The following DERL1 variants were observed in gnomAD, a reference collection of about 807,000 sequenced individuals.
DERL1 encodes derlin-1.
Under a neutral mutation model 41.6 loss-of-function variants are expected in DERL1, and 24 were observed. That is an observed-to-expected ratio of 0.58 (90% CI 0.42 to 0.81). DERL1 has a LOEUF of 0.81. Among genes scored for constraint, DERL1 ranks in the 30% least tolerant of loss-of-function variants. The pLI is 0.00. For synonymous variants in DERL1, 124 were observed against 112.5 expected (o/e 1.10, Z -0.65); for missense variants, 260 against 314.3 (o/e 0.83, Z 1.31).
At chr8:123,033,002 C>T (rs754299569) in intron 1 of DERL1, among the ~76,000 whole-genome samples, 7 of 151,282 alleles carry the variant, frequency 4.6e-5, no homozygotes, top group African/African-American at 1.5e-4. Flanking sequence ...GCTAGGACTA[C>T]AGGCATGTAC....
intron 1 of DERL1, among the ~76,000 whole-genome samples, chr8:123,039,112 G>A (rs552330955): frequency 5.3e-5 from 8 of 152,122 alleles, no homozygotes; most frequent in African/African-American, 9.6e-5. Context: ...CTGTAATCTC[G>A]TCCCCTCTGC....
At chr8:123,026,336 C>A (rs993823531) in intron 2 of DERL1, among the ~76,000 whole-genome samples, 1 of 152,092 alleles carries the variant, frequency 6.6e-6, no homozygotes, top group Non-Finnish European at 1.5e-5. Context: ...CTGTCTGATT[C>A]CTAAGGAGTC....
At chr8:123,030,488 C>T (rs1812798326) in intron 2 of DERL1, 117 bp downstream of exon 2, 1 of 689,086 alleles carries the variant, frequency 1.5e-6, no homozygotes, top group Non-Finnish European at 2.4e-6. Flanking sequence ...TAAGCATTTA[C>T]TATCTTTATG....
At chr8:123,016,239 G>A (rs11781842) in intron 7 of DERL1, 44,918 of 152,100 alleles carry the variant, frequency 0.3, 8,374 homozygotes, top group Non-Finnish European at 0.41. Context: ...TCACAGAACA[G>A]CTAAGAGAAC....
chr8:123,029,984 C>T (rs922579787), intron 2 of DERL1, among the ~76,000 whole-genome samples: 1 of 151,956 alleles, frequency 6.6e-6, no homozygotes, highest in Non-Finnish European at 1.5e-5. Context: ...TGCTTGAACC[C>T]GAGAGGCAGA....
At chr8:123,041,414 G>A (rs1439319567) in intron 1 of DERL1, among the ~76,000 whole-genome samples, 1 of 152,130 alleles carries the variant, frequency 6.6e-6, no homozygotes, top group Non-Finnish European at 1.5e-5. Context: ...CCATTCCTTC[G>A]TACATTCTAT....
chr8:123,041,431 G>C lies in DERL1; in HGVS notation c.153+539C>G, dbSNP rs144740997. 4.6e-3 allele frequency among the ~76,000 whole-genome samples: 707 copies of C among 152,246 alleles called. 4 individuals carry two copies. Among genetic ancestry groups the C allele is most frequent in the African/African-American group, 0.016 (677 of 41,528 alleles). On this transcript the variant is annotated intron_variant, in intron 1 of 7. Transcript: ENST00000259512. ...ATTCCTTCGTACATTCTATTACTACGTGGGGGACACTAAATTAGGTCTAGA... is the reference window on the plus strand; with the variant it reads ...ATTCCTTCGTACATTCTATTACTACCTGGGGGACACTAAATTAGGTCTAGA...
intron 1 of DERL1, among the ~76,000 whole-genome samples, chr8:123,040,784 T>C (rs545386084): frequency 6.6e-6 from 1 of 152,124 alleles, no homozygotes; most frequent in South Asian, 2.1e-4. Context: ...ACAAGAAAAA[T>C]AAAAGATGAC....
chr8:123,022,621 T>C (rs1812589758), intron 5 of DERL1, 63 bp downstream of exon 5: 2 of 1,504,920 alleles, frequency 1.3e-6, no homozygotes, highest in Non-Finnish European at 1.8e-6. Context: ...AGTACATCTC[T>C]GGACTGAAGA....
chr8:123,035,195 T>C (rs999432670), intron 1 of DERL1, among the ~76,000 whole-genome samples: 5 of 152,214 alleles, frequency 3.3e-5, no homozygotes, highest in African/African-American at 1.2e-4. Flanking sequence ...GAAATCAGTG[T>C]CTGTCAAAAT....
rs534163083 is a variant in DERL1 at position 123,029,060 on chromosome 8, CCT to C, written c.265+1543_265+1544del. Reference sequence around the variant, plus strand: ...TCCAGTCTGGGTGACAGAGCAAGACCCTGTCTCAAAAAAAAAAAAAATTACTC... The same window carrying C: ...TCCAGTCTGGGTGACAGAGCAAGACCGTCTCAAAAAAAAAAAAAATTACTC... On this transcript the variant is annotated intron_variant, in intron 2 of 7. Transcript: ENST00000259512. Among the ~76,000 whole-genome samples, 5 of 151,484 alleles carry C rather than the reference CCT, an allele frequency of 3.3e-5. No individual in the cohort carries two copies. In the South Asian group the frequency reaches 1.0e-3, roughly 32 times the overall value.
Position 123,019,097 on chromosome 8 carries a change from G to A in DERL1, c.617+98C>T, listed in dbSNP as rs1054922924. The A allele has an allele frequency of 1.1e-5, 9 of 818,732 alleles. No individual in the cohort carries two copies. The East Asian group carries it at 1.6e-4, about 14-fold the overall frequency. 50.7% of individuals were successfully genotyped at this position (818,732 alleles called of 1,614,324 possible). ...TGCCTCAGGTTTCTCCAGCAGATGG[G>A]GCATAGGGGTAAATCATACTCCTCA... On this transcript the variant is annotated intron_variant, in intron 7 of 7. Transcript: ENST00000259512.
rs1219166488 is a variant in DERL1, at chr8:123,042,047, G to A, written c.76C>T (p.Pro26Ser). The change falls in exon 1 of 8, where the codon CCC becomes TCC. Residue 26 changes from proline to serine, a missense_variant. Pro to Ser is a moderately conservative substitution (Grantham distance 74). Coordinates refer to ENST00000259512, the MANE Select transcript of DERL1 (RefSeq NM_024295.6). ...ATGAGGCCGAGTTTGCCGACCAAGG[G>A]CACGGCGACGGTGGCGGCGAACCAA... ...RYWFAATVAV[P>S]LVGKLGLISP... is the part of the protein sequence containing the mutation. 4 of 1,613,792 alleles carry A rather than the reference G, an allele frequency of 2.5e-6. No individual in the cohort carries two copies. Among genetic ancestry groups the A allele is most frequent in the Middle Eastern group, 3.3e-4 (2 of 6,084 alleles).
chr8:123,024,529 T>A (rs1764899478), intron 3 of DERL1, among the ~76,000 whole-genome samples: 1 of 152,188 alleles, frequency 6.6e-6, no homozygotes, highest in South Asian at 2.1e-4. Context: ...CTGTGTCCCT[T>A]CCCAGAGCTG....
intron 2 of DERL1, among the ~76,000 whole-genome samples, chr8:123,025,263 TCTC>T (rs2130472094): frequency 6.6e-6 from 1 of 152,314 alleles, no homozygotes; most frequent in Admixed American, 6.5e-5. Flanking sequence ...TAATCTATGC[TCTC>T]CTAACTGAAT....
intron 1 of DERL1, among the ~76,000 whole-genome samples, chr8:123,040,769 G>C (rs182401435): frequency 6.6e-6 from 1 of 152,218 alleles, no homozygotes; most frequent in East Asian, 1.9e-4. Flanking sequence ...TGGGGTGTGA[G>C]AAAAACAAGA....
At chr8:123,039,283 CA>C (rs1812995372) in intron 1 of DERL1, among the ~76,000 whole-genome samples, 1 of 152,182 alleles carries the variant, frequency 6.6e-6, no homozygotes, top group Non-Finnish European at 1.5e-5. Flanking sequence ...ATAGTCGGGG[CA>C]ATCTGTCAGT....
rs1199094863 is a variant in DERL1 at position 123,014,112 on chromosome 8, T to G, written c.*1335A>C. ...CTGCTCCTAACAGTCTGCTTTCAGA[T>G]AACGTCATAAAATAAAATAACTGTG... is the stretch of plus-strand genomic sequence containing the variant. On this transcript the variant is annotated 3_prime_UTR_variant, in exon 8 of 8. Transcript: ENST00000259512. 1 of 152,310 alleles carries G rather than the reference T, an allele frequency of 6.6e-6. No individual in the cohort carries two copies. The highest frequency in any genetic ancestry group is 1.5e-5 in the Non-Finnish European group (1 of 68,036). 9.4% of individuals were successfully genotyped at this position (152,310 alleles called of 1,614,324 possible). A position where few individuals can be genotyped will look rare whatever the true frequency, so the allele number is the denominator to read the frequency against.
rs145734762 is a variant in DERL1 at position 123,037,173 on chromosome 8, T to C, written c.153+4797A>G. Among the ~76,000 whole-genome samples the C allele has an allele frequency of 5.1e-3, 777 of 152,264 alleles. 11 individuals are homozygous for C. Among genetic ancestry groups the C allele is most frequent in the African/African-American group, 0.018 (730 of 41,560 alleles). On this transcript the variant is annotated intron_variant, in intron 1 of 7. Transcript: ENST00000259512. ...TATTTTTTTTCCCATACCAACCACG[T>C]AGGAGGCAACTATTTTTGAATAGCT...
Sources: gnomAD v4.1 joint callset for allele counts (sites outside exome capture counted in the v4.1 genomes callset) on GRCh38, gnomAD v4.1.1 for gene constraint, MANE v1.5 for transcripts, NCBI Gene and HGNC (gene_info 2026-07-23, HGNC 2026-07-21) for gene names.